ADGRV1: variants seen among roughly 807,000 people sequenced by gnomAD.
ADGRV1 encodes adhesion G protein-coupled receptor V1.
A neutral mutation model predicts 596.2 loss-of-function variants in ADGRV1; 359 were observed. The observed-to-expected ratio is 0.60, with a 90% CI of 0.55 to 0.66. The LOEUF (loss-of-function observed/expected upper bound fraction) is 0.66, where lower values mean the gene tolerates loss of function less well. Ranked by LOEUF, ADGRV1 falls within the 30% of genes least tolerant of loss-of-function variation. The pLI is 0.00. For synonymous variants in ADGRV1, 2,681 were observed against 2,679.2 expected (o/e 1.00, Z -0.02); for missense variants, 7,274 against 7,575.6 (o/e 0.96, Z 1.48).
At position 90,778,126 on chromosome 5, in the gene ADGRV1, G is replaced by T. The variant is rs934124698; in HGVS notation, c.12666+83G>T. On this transcript the variant is annotated intron_variant, in intron 62 of 89. Coordinates refer to ENST00000405460, the MANE Select transcript of ADGRV1 (RefSeq NM_032119.4). ...ATGTGTGAGCATATGTGTATGTGTGGGTGTGTTTGTGTGTGTGTGGTTAGA... is the reference window on the plus strand; with the variant it reads ...ATGTGTGAGCATATGTGTATGTGTGTGTGTGTTTGTGTGTGTGTGGTTAGA... 3.0e-5 allele frequency: 43 copies of T among 1,430,108 alleles called. No individual in the cohort carries two copies. The Admixed American group carries it at 8.8e-4, about 29-fold the overall frequency. 88.6% of individuals were successfully genotyped at this position (1,430,108 alleles called of 1,614,324 possible). A position where few individuals can be genotyped will look rare whatever the true frequency, so the allele number is the denominator to read the frequency against.
intron 34 of ADGRV1, among the ~76,000 whole-genome samples, chr5:90,701,143 C>T (rs1258858820): frequency 6.6e-6 from 1 of 152,058 alleles, no homozygotes; most frequent in Non-Finnish European, 1.5e-5. Flanking sequence ...TAGTCAGACA[C>T]TTTGTTATGT....
chr5:90,669,429 A>T (rs930603172), intron 21 of ADGRV1, among the ~76,000 whole-genome samples: 4 of 152,210 alleles, frequency 2.6e-5, no homozygotes, highest in African/African-American at 9.7e-5. Context: ...TATGGAAAAG[A>T]TGGGGTTAGG....
At chr5:91,162,852 GAA>G (rs1287282213) in intron 89 of ADGRV1, among the ~76,000 whole-genome samples, 1 of 152,080 alleles carries the variant, frequency 6.6e-6, no homozygotes, top group Non-Finnish European at 1.5e-5. Flanking sequence ...GACAGAAAGG[GAA>G]ATCCCAGCTG....
chr5:90,881,844 A>G (rs368375269), intron 83 of ADGRV1, among the ~76,000 whole-genome samples: 62 of 152,174 alleles, frequency 4.1e-4, no homozygotes, highest in Middle Eastern at 3.4e-3. Flanking sequence ...CTCCTGCCTC[A>G]GCTTCCTGAG....
At chr5:90,627,848 G>A (rs1160589534) in intron 7 of ADGRV1, 72 bp downstream of exon 7, 3 of 870,358 alleles carry the variant, frequency 3.4e-6, no homozygotes, top group Non-Finnish European at 4.8e-6. Flanking sequence ...TTGTGGTGTT[G>A]GACACAACAA....
chr5:91,002,726 G>A (rs1344050385), intron 85 of ADGRV1, among the ~76,000 whole-genome samples: 1 of 151,924 alleles, frequency 6.6e-6, no homozygotes, highest in Non-Finnish European at 1.5e-5. Context: ...TCTAGAATGA[G>A]ATCCCCATGG....
chr5:90,747,342 A>T (rs1754736562), intron 52 of ADGRV1, among the ~76,000 whole-genome samples: 1 of 152,140 alleles, frequency 6.6e-6, no homozygotes, highest in Non-Finnish European at 1.5e-5. Context: ...TGTGTCAGGG[A>T]TCCCCATGAC....
intron 85 of ADGRV1, among the ~76,000 whole-genome samples, chr5:91,014,136 CCACACA>C (rs70973720): frequency 3.3e-3 from 119 of 35,696 alleles, no homozygotes; most frequent in African/African-American, 7.7e-3. Flanking sequence ...TTCACAATTG[CCACACA>C]CACACACACA....
intron 42 of ADGRV1, among the ~76,000 whole-genome samples, chr5:90,715,771 ACTT>A (rs1750023350): frequency 6.6e-6 from 1 of 152,012 alleles, no homozygotes; most frequent in Admixed American, 6.6e-5. Flanking sequence ...CAGCTTGTAA[ACTT>A]CTTCAAATTA....
At chr5:91,145,726 A>G (rs1296588789) in intron 87 of ADGRV1, among the ~76,000 whole-genome samples, 1 of 152,066 alleles carries the variant, frequency 6.6e-6, no homozygotes, top group Non-Finnish European at 1.5e-5. Context: ...ATTACACTTT[A>G]TTTTTAGCAG....
At chr5:90,675,212 G>A (rs1434803730) in intron 23 of ADGRV1, 31 bp from the exon 24 acceptor site, 1 of 1,589,642 alleles carries the variant, frequency 6.3e-7, no homozygotes, top group South Asian at 1.1e-5. Flanking sequence ...AGTTCATTGG[G>A]ACAATGCCCT....
chr5:90,661,669 GC>G (rs1225390835), intron 21 of ADGRV1, among the ~76,000 whole-genome samples: 1 of 152,018 alleles, frequency 6.6e-6, no homozygotes, highest in Non-Finnish European at 1.5e-5. Flanking sequence ...TGAATATTTG[GC>G]AAATTCCTGA....
chr5:90,810,616 T>G lies in ADGRV1; in HGVS notation c.15356T>G (p.Val5119Gly), dbSNP rs780393549. ...CCACGCCTGAATCTAGATTTCAGTG[T>G]TGCAGTGATTACAATATTGGATAAT... ...WSPRLNLDFS[V>G]AVITILDNDD... The change falls in exon 74 of 90, where the codon GTT (valine) becomes GGT (glycine). Residue 5119 changes from valine to glycine, a missense_variant. Val to Gly is a moderately radical substitution (Grantham distance 109). Transcript: ENST00000405460. 2 of 1,613,848 alleles carry G rather than the reference T, an allele frequency of 1.2e-6. No individual in the cohort carries two copies. The highest frequency in any genetic ancestry group is 2.7e-5 in the African/African-American group (2 of 74,926).
Position 90,628,662 on chromosome 5 carries a change from G to T in ADGRV1, c.1339G>T (p.Ala447Ser), listed in dbSNP as rs1765111279. The change falls in exon 8 of 90, where the codon GCA (alanine) becomes TCA (serine). Residue 447 changes from alanine to serine, a missense_variant. Coordinates refer to ENST00000405460, the MANE Select transcript of ADGRV1 (RefSeq NM_032119.4). ...RNSTDPSPVT[A>S]DIRPSSGVLH... ...CAGCACTGATCCCTCACCAGTAACA[G>T]CAGATATCAGACCGAGCTCTGGAGT... is the stretch of plus-strand genomic sequence containing the variant. 1 of 1,614,006 alleles carries T rather than the reference G, an allele frequency of 6.2e-7. No homozygotes were observed. The highest frequency in any genetic ancestry group is 8.5e-7 in the Non-Finnish European group (1 of 1,179,872).
At chr5:90,850,515 T>C (rs1032962829) in intron 79 of ADGRV1, among the ~76,000 whole-genome samples, 1 of 152,194 alleles carries the variant, frequency 6.6e-6, no homozygotes, top group Non-Finnish European at 1.5e-5. Flanking sequence ...AAGTTTGCAC[T>C]AAGTGAGGCC....
intron 84 of ADGRV1, among the ~76,000 whole-genome samples, chr5:90,968,308 A>T (rs1778654876): frequency 6.6e-6 from 1 of 152,186 alleles, no homozygotes; most frequent in South Asian, 2.1e-4. Context: ...ATATATGGAG[A>T]GGGAAATGAC....
chr5:90,864,442 C>T (rs560081559), intron 83 of ADGRV1, among the ~76,000 whole-genome samples: 12 of 152,184 alleles, frequency 7.9e-5, no homozygotes, highest in Middle Eastern at 3.4e-3. Flanking sequence ...TCTATCCATA[C>T]GGTGTTCATA....
In ADGRV1 at chr5:90,829,124, A is replaced by G. The variant is rs1159903105; in HGVS notation, c.16549A>G (p.Ser5517Gly). 1.2e-6 allele frequency: 2 copies of G among 1,607,034 alleles called. No individual in the cohort carries two copies. Among genetic ancestry groups the G allele is most frequent in the East Asian group, 2.2e-5 (1 of 44,834 alleles). The change falls in exon 77 of 90, where the codon AGT (serine) becomes GGT (glycine). Residue 5517 changes from serine to glycine, a missense_variant. Ser to Gly is a moderately conservative substitution (Grantham distance 56). Transcript: ENST00000405460. Reference sequence around the variant, plus strand: ...GGCTCACAAGAAGGCCACTTTAATCAGTCTGCAGGTGGCCAGAGATTCTGG... The same window carrying G: ...GGCTCACAAGAAGGCCACTTTAATCGGTCTGCAGGTGGCCAGAGATTCTGG... ...AVAHKKATLISLQVARDSGTG... is the reference protein window; with the variant it reads ...AVAHKKATLIGLQVARDSGTG...
At chr5:91,129,386 C>T (rs1794025330) in intron 87 of ADGRV1, among the ~76,000 whole-genome samples, 1 of 152,168 alleles carries the variant, frequency 6.6e-6, no homozygotes, top group African/African-American at 2.4e-5. Flanking sequence ...TTATTGTATT[C>T]ACCACTAGTT....
Sources: gnomAD v4.1 joint callset for allele counts (sites outside exome capture counted in the v4.1 genomes callset) on GRCh38, gnomAD v4.1.1 for gene constraint, MANE v1.5 for transcripts, NCBI Gene and HGNC (gene_info 2026-07-23, HGNC 2026-07-21) for gene names.